S100A8: variants seen among roughly 807,000 people sequenced by gnomAD.
S100A8 encodes S100 calcium binding protein A8.
Under a neutral mutation model 4.2 loss-of-function variants are expected in S100A8, and 1 was observed. The ratio of observed to expected loss-of-function variants is 0.24; its 90% CI spans 0.08 to 1.12. The LOEUF is 1.12. Ranked by LOEUF, S100A8 falls within the 50% of genes most tolerant of loss-of-function variation. S100A8 has a pLI of 0.53. For missense variants in S100A8, 96 were observed against 111.8 expected (o/e 0.86, Z 0.64); for synonymous variants, 41 against 44.7 (o/e 0.92, Z 0.33).
chr1:153,418,007 C>T, the S100A8 span: 36 of 1,594,466 alleles, frequency 2.3e-5, no homozygotes, highest in East Asian at 6.9e-4. Flanking sequence ...TTCTAACACC[C>T]CCACATAGAG....
At chr1:153,405,986 G>A in the S100A8 span, among the ~76,000 whole-genome samples, 40 of 152,224 alleles carry the variant, frequency 2.6e-4, 1 homozygote, top group African/African-American at 8.7e-4. Context: ...CAGCTGGCCA[G>A]CACCACCCAG....
chr1:153,390,943 G>T, intron 1 of S100A8, 98 bp downstream of exon 1: 1 of 898,808 alleles, frequency 1.1e-6, no homozygotes, highest in Non-Finnish European at 1.3e-6. Flanking sequence ...AGACCTCCCT[G>T]AGCTTTCTCT....
chr1:153,413,400 C>A, the S100A8 span, among the ~76,000 whole-genome samples: 1 of 152,164 alleles, frequency 6.6e-6, no homozygotes, highest in East Asian at 1.9e-4. Context: ...ATCCACGGGG[C>A]CCTTATGTCC....
chr1:153,394,911 A>G (rs1365951705), upstream of S100A8, among the ~76,000 whole-genome samples: 1 of 152,152 alleles, frequency 6.6e-6, no homozygotes, highest in Non-Finnish European at 1.5e-5. Flanking sequence ...CATGATTTCT[A>G]TCTCAGTAAG....
At chr1:153,404,172 A>G in the S100A8 span, among the ~76,000 whole-genome samples, 1 of 152,170 alleles carries the variant, frequency 6.6e-6, no homozygotes, top group Non-Finnish European at 1.5e-5. Context: ...CCACTCCAGG[A>G]GCCCACCCTT....
Position 153,390,485 on chromosome 1 carries a change from G to A in S100A8, c.51C>T (p.His17=). The A allele has an allele frequency of 1.2e-6, 2 of 1,614,172 alleles. No individual in the cohort carries two copies. Among genetic ancestry groups the A allele is most frequent in the Admixed American group, 1.7e-5 (1 of 60,020 alleles). Reference sequence around the variant, plus strand: ...AATTCCCCTTTATCAGGGAGTACTTGTGGTAGACGTCGATGATAGAGTTCA... The same window carrying A: ...AATTCCCCTTTATCAGGGAGTACTTATGGTAGACGTCGATGATAGAGTTCA... ...KALNSIIDVY[H]KYSLIKGNFH... is the part of the protein sequence containing the mutation. Residue 17 remains histidine, a synonymous_variant, in exon 2 of 3, where the codon CAC becomes CAT. Transcript: ENST00000368733.
chr1:153,407,473 C>T, the S100A8 span, among the ~76,000 whole-genome samples: 1 of 152,206 alleles, frequency 6.6e-6, no homozygotes, highest in East Asian at 1.9e-4. Context: ...AGCCAGGAAG[C>T]GCGAACTGGG....
intron 1 of S100A8, 107 bp downstream of exon 1, chr1:153,390,934 G>T: frequency 2.4e-6 from 2 of 839,232 alleles, no homozygotes; most frequent in Non-Finnish European, 2.9e-6. Context: ...CTTTGCTCCA[G>T]ACCTCCCTGA....
the S100A8 span, among the ~76,000 whole-genome samples, chr1:153,408,876 T>G: frequency 6.6e-6 from 1 of 152,188 alleles, no homozygotes; most frequent in Non-Finnish European, 1.5e-5. Context: ...CCAGCCAAAT[T>G]AAGCTTCATA....
the S100A8 span, among the ~76,000 whole-genome samples, chr1:153,399,888 C>T: frequency 1.5e-4 from 23 of 152,250 alleles, 1 homozygote; most frequent in South Asian, 3.5e-3. Context: ...TGTAAAAGAG[C>T]GCGGCCCCCT....
At chr1:153,391,081 T>G, upstream of S100A8, 1 of 986,022 alleles carries the variant, frequency 1.0e-6, no homozygotes, top group East Asian at 1.1e-4. Context: ...CATGCAGGGC[T>G]GAGAGGCAGC....
rs1662052459 is a variant in S100A8 at position 153,390,231 on chromosome 1, C to G, written c.154G>C (p.Asp52His). ...ATATCCAACTCTTTGAACCAGACGT[C>G]TGCACCCTTTTTCTGTCAAGATTGA... ...CPQYIRKKGA[D>H]VWFKELDINT... The change falls in exon 3 of 3, where the codon GAC becomes CAC. Residue 52 changes from aspartate to histidine, a missense_variant. Physicochemically the swap from Asp to His is moderately conservative, Grantham distance 81. Coordinates refer to ENST00000368733, the MANE Select transcript of S100A8 (RefSeq NM_002964.5). The G allele has an allele frequency of 1.2e-6, 2 of 1,611,642 alleles. No individual in the cohort carries two copies. The highest frequency in any genetic ancestry group is 1.7e-6 in the Non-Finnish European group (2 of 1,178,556).
chr1:153,410,150 A>G, the S100A8 span, among the ~76,000 whole-genome samples: 1 of 152,348 alleles, frequency 6.6e-6, no homozygotes, highest in South Asian at 2.1e-4. Flanking sequence ...TGAAGGAGAT[A>G]GAGACACAAA....
the S100A8 span, among the ~76,000 whole-genome samples, chr1:153,408,920 C>T: frequency 2.0e-5 from 3 of 152,136 alleles, no homozygotes; most frequent in Non-Finnish European, 4.4e-5. Flanking sequence ...TACAGACAAG[C>T]AAATGCTGAG....
chr1:153,397,310 G>A, the S100A8 span, among the ~76,000 whole-genome samples: 1 of 152,124 alleles, frequency 6.6e-6, no homozygotes, highest in Non-Finnish European at 1.5e-5. Context: ...GCATTTGCCT[G>A]CATCAGGAGC....
chr1:153,409,134 C>A, the S100A8 span, among the ~76,000 whole-genome samples: 1 of 152,094 alleles, frequency 6.6e-6, no homozygotes, highest in Non-Finnish European at 1.5e-5. Flanking sequence ...ACAATATTAA[C>A]CTTAAATGTA....
Position 153,390,571 on chromosome 1 carries a change from C to G in S100A8, c.-22-14G>C, listed in dbSNP as rs74115415. 6.2e-7 allele frequency: 1 copy of G among 1,612,738 alleles called. No individual in the cohort carries two copies. The highest frequency in any genetic ancestry group is 8.5e-7 in the Non-Finnish European group (1 of 1,179,330). The stretch of plus-strand genomic sequence containing the variant: ...GACTTGCCCCACCTGAAAAACAGAA[C>G]CTTCTGGGGAATCCCATGGCAGGGA... On this transcript the variant is annotated splice_polypyrimidine_tract_variant and intron_variant, in intron 1 of 2. Transcript: ENST00000368733.
chr1:153,395,671 G>A (rs532042106), upstream of S100A8, among the ~76,000 whole-genome samples: 72 of 152,224 alleles, frequency 4.7e-4, no homozygotes, highest in African/African-American at 1.6e-3. Flanking sequence ...TAACAACTAA[G>A]GATCCCTTAC....
the S100A8 span, among the ~76,000 whole-genome samples, chr1:153,418,928 T>A: frequency 6.6e-6 from 1 of 152,090 alleles, no homozygotes; most frequent in Admixed American, 6.5e-5. Flanking sequence ...CTGCCTCCCA[T>A]CCTGAGGTGT....
Sources: gnomAD v4.1 joint callset for allele counts (sites outside exome capture counted in the v4.1 genomes callset) on GRCh38, gnomAD v4.1.1 for gene constraint, MANE v1.5 for transcripts, NCBI Gene and HGNC (gene_info 2026-07-23, HGNC 2026-07-21) for gene names.